Variants in FSTL5 observed in about 807,000 individuals in gnomAD.
FSTL5 encodes the protein follistatin like 5.
In FSTL5, 62 loss-of-function variants were observed where a neutral mutation model predicts 89.1. The observed-to-expected ratio is 0.70, with a 90% CI of 0.57 to 0.86. The LOEUF (loss-of-function observed/expected upper bound fraction) is 0.86. FSTL5 is among the 40% of genes least tolerant of loss of function. The pLI is 0.00. For missense variants in FSTL5, 1,057 were observed against 1,001.6 expected, an observed-to-expected ratio of 1.06 and a Z score of -0.75; for synonymous variants, 383 against 346.2, an observed-to-expected ratio of 1.11 and a Z score of -1.18.
intron 6 of FSTL5, among the ~76,000 whole-genome samples, chr4:161,719,867 T>C (rs1739131061): frequency 6.6e-6 from 1 of 152,162 alleles, no homozygotes; most frequent in African/African-American, 2.4e-5. Context: ...TGGGACTCTT[T>C]AGAACTTTAT....
chr4:161,399,952 A>T (rs780207393), intron 15 of FSTL5, among the ~76,000 whole-genome samples: 18 of 152,142 alleles, frequency 1.2e-4, no homozygotes, highest in Middle Eastern at 3.2e-3. Context: ...CGATTGTGTG[A>T]ATAAGTCTGG....
chr4:161,747,623 G>C (rs1442738628), intron 6 of FSTL5, among the ~76,000 whole-genome samples: 1 of 152,040 alleles, frequency 6.6e-6, no homozygotes, highest in African/African-American at 2.4e-5. Flanking sequence ...CATATGGTGG[G>C]GGCAACAACT....
At chr4:161,944,824 A>T (rs184269316) in intron 3 of FSTL5, among the ~76,000 whole-genome samples, 396 of 151,824 alleles carry the variant, frequency 2.6e-3, no homozygotes, top group Admixed American at 3.3e-3. Context: ...TTATGTATTT[A>T]GAATAGTTAT....
chr4:161,776,651 C>G (rs1254133562), intron 4 of FSTL5, among the ~76,000 whole-genome samples: 3 of 151,574 alleles, frequency 2.0e-5, no homozygotes, highest in African/African-American at 7.3e-5. Flanking sequence ...ATGACATTCA[C>G]ACATATATAT....
At chr4:161,981,231 G>A (rs1735819227) in intron 3 of FSTL5, among the ~76,000 whole-genome samples, 1 of 152,078 alleles carries the variant, frequency 6.6e-6, no homozygotes, top group South Asian at 2.1e-4. Context: ...TGAAACACAG[G>A]TACAAAATCC....
chr4:161,585,842 T>C (rs368089718), intron 8 of FSTL5, among the ~76,000 whole-genome samples: 25 of 152,302 alleles, frequency 1.6e-4, no homozygotes, highest in African/African-American at 6.0e-4. Context: ...GCAGGTACAA[T>C]TACTTTATAT....
intron 6 of FSTL5, among the ~76,000 whole-genome samples, chr4:161,677,962 AT>A (rs981345383): frequency 6.6e-6 from 1 of 151,784 alleles, no homozygotes; most frequent in African/African-American, 2.4e-5. Flanking sequence ...AGATATATAT[AT>A]TTTATTTGTC....
chr4:161,492,579 T>C (rs762934641), intron 12 of FSTL5, among the ~76,000 whole-genome samples: 16 of 152,172 alleles, frequency 1.1e-4, no homozygotes, highest in Non-Finnish European at 1.9e-4. Context: ...GGTACAACTA[T>C]GTTGTTGTTT....
At chr4:161,626,558 T>A (rs535498206) in intron 7 of FSTL5, among the ~76,000 whole-genome samples, 1 of 152,208 alleles carries the variant, frequency 6.6e-6, no homozygotes, top group Non-Finnish European at 1.5e-5. Context: ...CTGATGGAGA[T>A]GTGCAAGGAT....
rs1213555333 is a variant in FSTL5 at position 161,815,451 on chromosome 4, T to A, written c.410-39377A>T. ...TATCCTAAAAATGAAAATAGCCATT[T>A]CAATTATATATTATTCTATGTATAG... On this transcript the variant is annotated intron_variant, in intron 4 of 15. Coordinates refer to ENST00000306100, the MANE Select transcript of FSTL5 (RefSeq NM_020116.5). 6.6e-5 allele frequency among the ~76,000 whole-genome samples: 10 copies of A among 152,212 alleles called. No individual in the cohort carries two copies. The East Asian group carries it at 1.9e-3, about 29-fold the overall frequency.
At chr4:161,987,470 G>GTATATA (rs201220219) in intron 3 of FSTL5, among the ~76,000 whole-genome samples, 13 of 130,142 alleles carry the variant, frequency 1.0e-4, no homozygotes, top group African/African-American at 3.6e-4. Context: ...ATATATATAT[G>GTATATA]TATATATATA....
intron 10 of FSTL5, among the ~76,000 whole-genome samples, chr4:161,533,497 C>T (rs1281857616): frequency 6.6e-6 from 1 of 152,020 alleles, no homozygotes. Flanking sequence ...TTCTTGGAAA[C>T]ACATAACCCT....
At chr4:161,913,106 T>C (rs1423787860) in intron 4 of FSTL5, among the ~76,000 whole-genome samples, 7 of 152,006 alleles carry the variant, frequency 4.6e-5, no homozygotes, top group Non-Finnish European at 7.4e-5. Flanking sequence ...AAACAGAGCA[T>C]AAAAGTTCAA....
At chr4:162,163,455 A>AT (rs1282008477) in intron 1 of FSTL5, among the ~76,000 whole-genome samples, 160 bp downstream of exon 1, 81 of 121,008 alleles carry the variant, frequency 6.7e-4, no homozygotes, top group African/African-American at 1.1e-3. Flanking sequence ...AATAATAATA[A>AT]TAATAATAAT....
chr4:161,478,106 T>C (rs933957544), intron 13 of FSTL5, among the ~76,000 whole-genome samples: 4 of 152,104 alleles, frequency 2.6e-5, no homozygotes, highest in South Asian at 2.1e-4. Flanking sequence ...ACCAAAAGAA[T>C]TGCATATTTT....
At chr4:161,826,756 C>T (rs1402285125) in intron 4 of FSTL5, among the ~76,000 whole-genome samples, 1 of 152,106 alleles carries the variant, frequency 6.6e-6, no homozygotes, top group Non-Finnish European at 1.5e-5. Context: ...CTTTTTCTAC[C>T]CCTTAACCTT....
At chr4:161,690,741 T>C (rs1466462129) in intron 6 of FSTL5, among the ~76,000 whole-genome samples, 1 of 152,076 alleles carries the variant, frequency 6.6e-6, no homozygotes, top group African/African-American at 2.4e-5. Context: ...GTACAGATTA[T>C]TTCATTGCTC....
At chr4:161,628,069 T>C (rs13435758) in intron 7 of FSTL5, among the ~76,000 whole-genome samples, 3,389 of 152,204 alleles carry the variant, frequency 0.022, 122 homozygotes, top group African/African-American at 0.076. Flanking sequence ...TGCTTTCCTT[T>C]TGGTTAAATA....
chr4:161,780,386 G>T (rs1332520498), intron 4 of FSTL5, among the ~76,000 whole-genome samples: 1 of 152,036 alleles, frequency 6.6e-6, no homozygotes, highest in East Asian at 1.9e-4. Context: ...CAAGTTAATT[G>T]ACAGGCAGAG....
Sources: gnomAD v4.1 joint callset for allele counts (sites outside exome capture counted in the v4.1 genomes callset) on GRCh38, gnomAD v4.1.1 for gene constraint, MANE v1.5 for transcripts, NCBI Gene and HGNC (gene_info 2026-07-23, HGNC 2026-07-21) for gene names.